Variants in RIPOR2 observed in about 807,000 individuals in gnomAD.
RIPOR2 encodes RHO family interacting cell polarization regulator 2.
Under a neutral mutation model 114.5 loss-of-function variants are expected in RIPOR2, and 39 were observed. The ratio of observed to expected loss-of-function variants is 0.34; its 90% CI spans 0.26 to 0.44. The LOEUF is 0.44. RIPOR2 is among the 20% of genes least tolerant of loss of function. The pLI, the probability that RIPOR2 is intolerant of heterozygous loss-of-function variation, is 1.00. For synonymous variants in RIPOR2, 445 were observed against 484.4 expected, an observed-to-expected ratio of 0.92 and a Z score of 1.07; for missense variants, 1,007 against 1,255.1, an observed-to-expected ratio of 0.80 and a Z score of 2.99.
rs869301317 is a variant in RIPOR2 at position 25,015,896 on chromosome 6, G to GTTTTTTTTTTTTTTTTTTTTTTTTTTT, written c.76+25928_76+25954dup. ...TCCCCTTAAAAACGCAGGTTTTTTG[G>GTTTTTTTTTTTTTTTTTTTTTTTTTTT]TTTTTTTTTTTTTTTTTTTTTTTTT... On this transcript the variant is annotated intron_variant, in intron 1 of 13. Coordinates refer to the RIPOR2 transcript ENST00000510784. 7 of 45,836 alleles carry GTTTTTTTTTTTTTTTTTTTTTTTTTTT rather than the reference G, an allele frequency of 1.5e-4. 3 individuals are homozygous for GTTTTTTTTTTTTTTTTTTTTTTTTTTT. The highest frequency in any genetic ancestry group is 7.1e-5 in the African/African-American group (1 of 14,068). The allele number at this position is 45,836 out of a possible 1,614,324, so 2.8% of individuals were successfully genotyped here. A position where few individuals can be genotyped will look rare whatever the true frequency, so the allele number is the denominator to read the frequency against.
At chr6:24,886,656 C>T (rs9295636) in intron 1 of RIPOR2, among the ~76,000 whole-genome samples, 33 of 152,326 alleles carry the variant, frequency 2.2e-4, no homozygotes, top group African/African-American at 6.5e-4. Context: ...AGTGATACCA[C>T]GTAAGTGACA....
chr6:24,853,223 T>C (rs1462085357), intron 8 of RIPOR2, among the ~76,000 whole-genome samples: 1 of 152,164 alleles, frequency 6.6e-6, no homozygotes, highest in African/African-American at 2.4e-5. Context: ...ACCAACCAAA[T>C]GATACACCCC....
At chr6:24,888,418 T>G (rs1767026865) in intron 1 of RIPOR2, among the ~76,000 whole-genome samples, 1 of 152,248 alleles carries the variant, frequency 6.6e-6, no homozygotes, top group African/African-American at 2.4e-5. Flanking sequence ...ACATCCTCAC[T>G]TCTACTGGTA....
intron 13 of RIPOR2, chr6:24,840,554 C>A: frequency 2.1e-6 from 3 of 1,451,132 alleles, no homozygotes; most frequent in Non-Finnish European, 2.7e-6. Context: ...AAGTTAGAAG[C>A]ACTAAATGTC....
At chr6:24,872,261 T>G (rs992221287) in intron 4 of RIPOR2, among the ~76,000 whole-genome samples, 33 of 152,250 alleles carry the variant, frequency 2.2e-4, no homozygotes, top group African/African-American at 7.5e-4. Flanking sequence ...GTCTAAGAAC[T>G]CTTAACTTCT....
chr6:24,826,528 G>C (rs1357581009), intron 18 of RIPOR2, among the ~76,000 whole-genome samples: 1 of 146,660 alleles, frequency 6.8e-6, no homozygotes, highest in Non-Finnish European at 1.5e-5. Flanking sequence ...TATTTTCCTT[G>C]CTGTGAATGC....
At chr6:24,852,101 A>C (rs897095201) in intron 9 of RIPOR2, among the ~76,000 whole-genome samples, 1 of 151,962 alleles carries the variant, frequency 6.6e-6, no homozygotes, top group Non-Finnish European at 1.5e-5. Context: ...CTCTACTAAA[A>C]ATACAAAAAA....
intron 13 of RIPOR2, chr6:24,840,697 A>G: frequency 6.5e-7 from 1 of 1,535,264 alleles, no homozygotes; most frequent in Non-Finnish European, 8.7e-7. Flanking sequence ...TTTAAATCAC[A>G]GTTGTCTCAT....
chr6:24,898,321 T>C (rs1768087969), intron 1 of RIPOR2: 1 of 152,192 alleles, frequency 6.6e-6, no homozygotes, highest in African/African-American at 2.4e-5. Flanking sequence ...ATGATTATTA[T>C]GAAGTTGTAA....
At chr6:24,993,405 T>C (rs1427191136) in intron 1 of RIPOR2, among the ~76,000 whole-genome samples, 1 of 152,276 alleles carries the variant, frequency 6.6e-6, no homozygotes, top group Non-Finnish European at 1.5e-5. Context: ...TTGCAATCCA[T>C]GCTTCTTTTT....
chr6:25,034,654 G>A (rs549319530), intron 1 of RIPOR2, among the ~76,000 whole-genome samples: 1 of 152,220 alleles, frequency 6.6e-6, no homozygotes, highest in African/African-American at 2.4e-5. Flanking sequence ...AATCCATCGA[G>A]GCTCTGAGTT....
chr6:24,843,349 A>G lies in RIPOR2; in HGVS notation c.1370T>C (p.Met457Thr). Reference protein sequence around the residue: ...LSSLASQNEGMDDTSSASSRN... With the variant: ...LSSLASQNEGTDDTSSASSRN... ...GGAAGATGCTGAGCTGGTGTCATCC[A>G]TACCCTCATTCTGGGAGGCCAAGCT... Residue 457 changes from methionine to threonine, a missense_variant, in exon 13 of 22, where the codon ATG (methionine) becomes ACG (threonine). Physicochemically the swap from Met to Thr is moderately conservative, Grantham distance 81. Transcript: ENST00000643898. 1 of 1,613,842 alleles carries G rather than the reference A, an allele frequency of 6.2e-7. No individual in the cohort carries two copies. Among genetic ancestry groups the G allele is most frequent in the East Asian group, 2.2e-5 (1 of 44,866 alleles).
chr6:24,843,543 A>T lies in RIPOR2; in HGVS notation c.1176T>A (p.Pro392=), dbSNP rs1200154752. 4.0e-6 allele frequency: 6 copies of T among 1,518,166 alleles called. No homozygotes were observed. The highest frequency in any genetic ancestry group is 5.3e-6 in the Non-Finnish European group (6 of 1,133,008). 94.0% of individuals were successfully genotyped at this position (1,518,166 alleles called of 1,614,324 possible). A position where few individuals can be genotyped will look rare whatever the true frequency, so the allele number is the denominator to read the frequency against. ...CCTTTCCATTTTCAAAGATGTCATC[A>T]GGTAGATTTGACTATAGATAAAAGA... ...FKDHSFFSNL[P]DDIFENGKAA... The change falls in exon 13 of 22, where the codon CCT becomes CCA. Residue 392 remains proline (P), a synonymous_variant. Coordinates refer to ENST00000643898, the MANE Select transcript of RIPOR2 (RefSeq NM_001286445.3).
At chr6:25,024,230 C>A in intron 1 of RIPOR2, 1 of 1,524,088 alleles carries the variant, frequency 6.6e-7, no homozygotes. Flanking sequence ...GGTAGCGGTC[C>A]TCATACAGTG....
chr6:25,031,730 T>TAAA (rs1179766828), intron 1 of RIPOR2, among the ~76,000 whole-genome samples: 4 of 109,152 alleles, frequency 3.7e-5, no homozygotes, highest in African/African-American at 8.1e-5. Flanking sequence ...TATATATATA[T>TAAA]ATATATATAT....
At chr6:25,013,220 G>T (rs1319288563) in intron 1 of RIPOR2, among the ~76,000 whole-genome samples, 1 of 152,118 alleles carries the variant, frequency 6.6e-6, no homozygotes, top group African/African-American at 2.4e-5. Flanking sequence ...CCCCAAAGAA[G>T]CTCTAACGTT....
At chr6:24,946,164 C>T (rs1192906527) in intron 1 of RIPOR2, among the ~76,000 whole-genome samples, 1 of 151,802 alleles carries the variant, frequency 6.6e-6, no homozygotes, top group Non-Finnish European at 1.5e-5. Flanking sequence ...CTCACTGCAA[C>T]CTCCACCTCC....
chr6:24,922,618 G>A (rs968143667), intron 1 of RIPOR2, among the ~76,000 whole-genome samples: 2 of 151,960 alleles, frequency 1.3e-5, no homozygotes, highest in African/African-American at 4.8e-5. Flanking sequence ...CCAGCACTTT[G>A]GGAGGCCGAG....
At chr6:24,852,553 C>A in intron 9 of RIPOR2, 22 bp downstream of exon 9, 1 of 1,602,766 alleles carries the variant, frequency 6.2e-7, no homozygotes, top group East Asian at 2.2e-5. Context: ...AATTCCAGCA[C>A]CTAGACCAAG....
Sources: allele counts gnomAD v4.1 joint callset (sites outside exome capture counted in the v4.1 genomes callset), GRCh38; gene constraint gnomAD v4.1.1; transcripts MANE v1.5; gene names NCBI Gene and HGNC (gene_info 2026-07-23, HGNC 2026-07-21).